Variants in ZNF561 observed in about 807,000 individuals in gnomAD.
The protein encoded by ZNF561 is zinc finger protein 561.
ZNF561 carries 16 observed loss-of-function variants against 16.7 expected under a neutral mutation model. The observed-to-expected ratio is 0.96, with a 90% CI of 0.65 to 1.45. The LOEUF (loss-of-function observed/expected upper bound fraction) is 1.45. ZNF561 is among the 40% of genes most tolerant of loss of function. The pLI, the probability that ZNF561 is intolerant of heterozygous loss-of-function variation, is 0.00. For missense variants in ZNF561, 580 were observed against 578.0 expected (o/e 1.00, Z -0.04); for synonymous variants, 190 against 192.1 (o/e 0.99, Z 0.09).
intron 4 of ZNF561, 24 bp from the exon 5 acceptor site, chr19:9,614,127 C>G (rs749694475): frequency 3.7e-6 from 6 of 1,611,232 alleles, no homozygotes; most frequent in Non-Finnish European, 5.1e-6. Flanking sequence ...GAAAAAGAAA[C>G]GTAAGGATTT....
intron 3 of ZNF561, chr19:9,617,888 C>A (rs2074586435): frequency 8.3e-6 from 5 of 603,660 alleles, no homozygotes; most frequent in Non-Finnish European, 1.6e-5. Context: ...GTAGTAATTA[C>A]TGAGCTACTG....
intron 4 of ZNF561, among the ~76,000 whole-genome samples, chr19:9,615,025 A>G (rs1330097903): frequency 6.6e-6 from 1 of 151,886 alleles, no homozygotes; most frequent in African/African-American, 2.4e-5. Flanking sequence ...TTTTTAGTAG[A>G]GATGGGGTTT....
intron 5 of ZNF561, among the ~76,000 whole-genome samples, chr19:9,613,600 C>T (rs1599225466): frequency 6.6e-6 from 1 of 151,978 alleles, no homozygotes; most frequent in African/African-American, 2.4e-5. Context: ...CTCATTGCAA[C>T]CTCTGCCTCT....
chr19:9,611,017 T>G lies in ZNF561; in HGVS notation c.644A>C (p.His215Pro). The G allele has an allele frequency of 6.2e-7, 1 of 1,614,194 alleles. No individual in the cohort carries two copies. Among genetic ancestry groups the G allele is most frequent in the Non-Finnish European group, 8.5e-7 (1 of 1,180,034 alleles). ...TTTCTCATCAGTGTGGATTCCCATA[T>G]GATTATCAAGGCTTGCAAAATACTT... ...GFKYFASLDN[H>P]MGIHTDEKLC... is the part of the protein sequence containing the mutation. Residue 215 changes from histidine to proline, a missense_variant, in exon 6 of 6, where the codon CAT becomes CCT. Coordinates refer to ENST00000302851, the MANE Select transcript of ZNF561 (RefSeq NM_152289.3).
chr19:9,611,352 T>C lies in ZNF561; in HGVS notation c.325-16A>G. 6.3e-7 allele frequency: 1 copy of C among 1,583,038 alleles called. No homozygotes were observed. The highest frequency in any genetic ancestry group is 1.1e-5 in the South Asian group (1 of 87,326). On this transcript the variant is annotated splice_polypyrimidine_tract_variant and intron_variant, in intron 5 of 5. Transcript: ENST00000302851. ...AGCCTCTTGTCTGTTGATGACGAGA[T>C]AAAGGTTTTAAAACATTTTCAGACA...
Position 9,610,518 on chromosome 19 carries a change from A to G in ZNF561, c.1143T>C (p.Ile381=). 1 of 1,614,072 alleles carries G rather than the reference A, an allele frequency of 6.2e-7. No individual in the cohort carries two copies. Among genetic ancestry groups the G allele is most frequent in the Non-Finnish European group, 8.5e-7 (1 of 1,179,914 alleles). The change falls in exon 6 of 6, where the codon ATT becomes ATC. Residue 381 remains isoleucine, a synonymous_variant. Transcript: ENST00000302851. The part of the protein sequence containing the change: ...GKAFTTSTSL[I]QHTRIHTGEK... ...CTCCTGTGTGAATTCTTGTATGCTG[A>G]ATAAGACTTGTGGATGTAGTGAAGG...
intron 2 of ZNF561, 128 bp from the exon 3 acceptor site, chr19:9,618,307 CACA>C: frequency 4.3e-6 from 4 of 922,506 alleles, no homozygotes; most frequent in Non-Finnish European, 6.4e-6. Flanking sequence ...AAACTACACA[CACA>C]ACACTTCCAT....
intron 1 of ZNF561, 88 bp downstream of exon 1, chr19:9,621,074 G>C (rs1238056459): frequency 1.3e-5 from 2 of 152,528 alleles, no homozygotes; most frequent in Non-Finnish European, 2.9e-5. Flanking sequence ...GAAGTGAAGC[G>C]GATCTGAGAG....
rs1211473848 is a variant in ZNF561, at chr19:9,607,698, T to C, written c.*2502A>G. The C allele has an allele frequency of 2.6e-5, 4 of 152,096 alleles. No individual in the cohort carries two copies. The highest frequency in any genetic ancestry group is 9.7e-5 in the African/African-American group (4 of 41,424). 9.4% of individuals were successfully genotyped at this position (152,096 alleles called of 1,614,324 possible). On this transcript the variant is annotated 3_prime_UTR_variant, in exon 6 of 6. Coordinates refer to ENST00000302851, the MANE Select transcript of ZNF561 (RefSeq NM_152289.3). ...CCAGTAAAGCAAGAAAATATATATATAGGTATAACCTAACGACTAAAGTGG... is the reference window on the plus strand; with the variant it reads ...CCAGTAAAGCAAGAAAATATATATACAGGTATAACCTAACGACTAAAGTGG...
In ZNF561 at chr19:9,613,972, C is replaced by G. The variant is rs189898249; in HGVS notation, c.324+49G>C. On this transcript the variant is annotated intron_variant, in intron 5 of 5. Coordinates refer to ENST00000302851, the MANE Select transcript of ZNF561 (RefSeq NM_152289.3). ...AGCTGATTTTCTAGAATGGAATTCT[C>G]TATCTTTTCTAAGAGAGGAAATTAA... is the stretch of plus-strand genomic sequence containing the variant. 16 of 1,601,470 alleles carry G rather than the reference C, an allele frequency of 1.0e-5. No homozygotes were observed. In the African/African-American group the frequency reaches 1.7e-4, roughly 17 times the overall value.
chr19:9,613,564 G>A (rs1008025226), intron 5 of ZNF561, among the ~76,000 whole-genome samples: 3 of 151,918 alleles, frequency 2.0e-5, no homozygotes, highest in African/African-American at 7.3e-5. Context: ...GGTCAACCAG[G>A]CTGGAATGCA....
chr19:9,611,243 G>T lies in ZNF561; in HGVS notation c.418C>A (p.Gln140Lys). 6.2e-7 allele frequency: 1 copy of T among 1,613,850 alleles called. No individual in the cohort carries two copies. Among genetic ancestry groups the T allele is most frequent in the African/African-American group, 1.3e-5 (1 of 74,966 alleles). Residue 140 changes from glutamine (Q) to lysine (K), a missense_variant, in exon 6 of 6, where the codon CAG (glutamine) becomes AAG (lysine). Coordinates refer to ENST00000302851, the MANE Select transcript of ZNF561 (RefSeq NM_152289.3). ...QFCLKTHMRV[Q>K]NGGNTSEGNC... Reference sequence around the variant, plus strand: ...CCCTCAGAAGTATTCCCTCCATTCTGAACTCTCATGTGTGTCTTAAGGCAA... The same window carrying T: ...CCCTCAGAAGTATTCCCTCCATTCTTAACTCTCATGTGTGTCTTAAGGCAA...
Position 9,618,110 on chromosome 19 carries a change from T to C in ZNF561, c.95A>G (p.Tyr32Cys). 1 of 1,551,280 alleles carries C rather than the reference T, an allele frequency of 6.4e-7. No individual in the cohort carries two copies. Reference protein sequence around the residue: ...KTKVERMVEDYLASGYQDSVT... With the variant: ...KTKVERMVEDCLASGYQDSVT... ...GCTTACCTGATAACCACTTGCCAGG[T>C]AGTCCTCCACCATCCTTTCTACCTT... is the stretch of plus-strand genomic sequence containing the variant. Residue 32 changes from tyrosine to cysteine, a missense_variant, in exon 3 of 6, where the codon TAC becomes TGC. Physicochemically the swap from Tyr to Cys is radical, Grantham distance 194. Coordinates refer to ENST00000302851, the MANE Select transcript of ZNF561 (RefSeq NM_152289.3).
chr19:9,619,021 T>A (rs1452012613), intron 2 of ZNF561: 2 of 152,400 alleles, frequency 1.3e-5, no homozygotes, highest in Non-Finnish European at 1.5e-5. Context: ...GAAGTTGCAG[T>A]GAGTCGAGAC....
At position 9,607,571 on chromosome 19, in the gene ZNF561, C is replaced by T. The variant is rs2074371603; in HGVS notation, c.*2629G>A. On this transcript the variant is annotated 3_prime_UTR_variant, in exon 6 of 6. Transcript: ENST00000302851. ...CTTCAAAAAATAAAATAAAAACCTACAGCCAAGCCAATAAAATAGAGCACG... is the reference window on the plus strand; with the variant it reads ...CTTCAAAAAATAAAATAAAAACCTATAGCCAAGCCAATAAAATAGAGCACG... The T allele has an allele frequency of 6.6e-6, 1 of 152,186 alleles. No individual in the cohort carries two copies. The highest frequency in any genetic ancestry group is 6.6e-5 in the Admixed American group (1 of 15,264). 9.4% of individuals were successfully genotyped at this position (152,186 alleles called of 1,614,324 possible).
Position 9,611,257 on chromosome 19 carries a change from G to A in ZNF561, c.404C>T (p.Thr135Ile). The A allele has an allele frequency of 6.2e-7, 1 of 1,613,902 alleles. No individual in the cohort carries two copies. The highest frequency in any genetic ancestry group is 8.5e-7 in the Non-Finnish European group (1 of 1,179,912). ...EVFREQFCLK[T>I]HMRVQNGGNT... ...CCCTCCATTCTGAACTCTCATGTGT[G>A]TCTTAAGGCAAAACTGTTCCCTGAA... Residue 135 changes from threonine (T) to isoleucine (I), a missense_variant, in exon 6 of 6, where the codon ACA becomes ATA. Thr to Ile is a moderately conservative substitution (Grantham distance 89). Transcript: ENST00000302851.
rs2074403289 is a variant in ZNF561, at chr19:9,609,247, C to T, written c.*953G>A. 1 of 152,150 alleles carries T rather than the reference C, an allele frequency of 6.6e-6. No homozygotes were observed. Among genetic ancestry groups the T allele is most frequent in the African/African-American group, 2.4e-5 (1 of 41,444 alleles). The allele number at this position is 152,150 out of a possible 1,614,324, so 9.4% of individuals were successfully genotyped here. A position where few individuals can be genotyped will look rare whatever the true frequency, so the allele number is the denominator to read the frequency against. Reference sequence around the variant, plus strand: ...ACTGTCAATAAATATGTGGGTCAAACTCTGTTCAAGGCTCTCAGCTCTGAA... The same window carrying T: ...ACTGTCAATAAATATGTGGGTCAAATTCTGTTCAAGGCTCTCAGCTCTGAA... On this transcript the variant is annotated 3_prime_UTR_variant, in exon 6 of 6. Coordinates refer to ENST00000302851, the MANE Select transcript of ZNF561 (RefSeq NM_152289.3).
rs779777776 is a variant in ZNF561, at chr19:9,611,266, C to A, written c.395G>T (p.Cys132Phe). 2.5e-6 allele frequency: 4 copies of A among 1,613,850 alleles called. No individual in the cohort carries two copies. In the African/African-American group the frequency reaches 4.0e-5, roughly 16 times the overall value. ...CTGAACTCTCATGTGTGTCTTAAGG[C>A]AAAACTGTTCCCTGAAGACCTCTCC... is the stretch of plus-strand genomic sequence containing the variant. The part of the protein sequence containing the change: ...NCGEVFREQF[C>F]LKTHMRVQNG... The change falls in exon 6 of 6, where the codon TGC (cysteine) becomes TTC (phenylalanine). Residue 132 changes from cysteine (C) to phenylalanine (F), a missense_variant. Coordinates refer to ENST00000302851, the MANE Select transcript of ZNF561 (RefSeq NM_152289.3).
rs1473723854 is a variant in ZNF561, at chr19:9,610,369, A to G, written c.1292T>C (p.Leu431Pro). The change falls in exon 6 of 6, where the codon CTA becomes CCA. Residue 431 changes from leucine to proline, a missense_variant. Transcript: ENST00000302851. The stretch of plus-strand genomic sequence containing the variant: ...GTGAACATTAAGGCGTGAGGAATAT[A>G]GAAATGCTTTCCCACATATCTTGCA... ...FVCKICGKAFLYSSRLNVHLR... is the reference protein window; with the variant it reads ...FVCKICGKAFPYSSRLNVHLR... The G allele has an allele frequency of 2.5e-6, 4 of 1,614,192 alleles. No homozygotes were observed. The highest frequency in any genetic ancestry group is 3.3e-5 in the Admixed American group (2 of 60,018).
Sources: allele counts gnomAD v4.1 joint callset (sites outside exome capture counted in the v4.1 genomes callset), GRCh38; gene constraint gnomAD v4.1.1; transcripts MANE v1.5; gene names NCBI Gene and HGNC (gene_info 2026-07-23, HGNC 2026-07-21).